TRAPPC10: variants seen among roughly 807,000 people sequenced by gnomAD.
TRAPPC10 encodes TRAPP 130 kDa subunit.
A neutral mutation model predicts 125.5 loss-of-function variants in TRAPPC10; 23 were observed. The observed-to-expected ratio is 0.18, with a 90% CI of 0.13 to 0.26. The LOEUF is 0.26. Ranked by LOEUF, TRAPPC10 falls within the 10% of genes least tolerant of loss-of-function variation. The pLI, the probability that TRAPPC10 is intolerant of heterozygous loss-of-function variation, is 1.00. For missense variants in TRAPPC10, 1,123 were observed against 1,308.4 expected, an observed-to-expected ratio of 0.86 and a Z score of 2.19; for synonymous variants, 509 against 518.0, an observed-to-expected ratio of 0.98 and a Z score of 0.24.
intron 1 of TRAPPC10, among the ~76,000 whole-genome samples, chr21:44,026,869 C>G (rs1340104739): frequency 6.6e-6 from 1 of 152,180 alleles, no homozygotes; most frequent in Non-Finnish European, 1.5e-5. Context: ...TCAGGGTCTT[C>G]TCTCGTAGGC....
chr21:44,025,730 A>G (rs1178885378), intron 1 of TRAPPC10, among the ~76,000 whole-genome samples: 1 of 152,056 alleles, frequency 6.6e-6, no homozygotes, highest in Admixed American at 6.6e-5. Flanking sequence ...AAACTTGATG[A>G]ACACTAATGT....
chr21:44,081,551 C>T (rs796987273), intron 13 of TRAPPC10, among the ~76,000 whole-genome samples: 1 of 152,298 alleles, frequency 6.6e-6, no homozygotes, highest in African/African-American at 2.4e-5. Flanking sequence ...TGAGCCACCA[C>T]GCTGGGCCCC....
Position 44,091,978 on chromosome 21 carries a change from G to C in TRAPPC10, c.2926G>C (p.Asp976His). Residue 976 changes from aspartate (D) to histidine (H), a missense_variant, in exon 19 of 23, where the codon GAT becomes CAT. Transcript: ENST00000291574. ...GTCAGAACTTGACTTTCAGCTGTCAGATAGTTATCTTGTAGATACCGGTGA... is the reference window on the plus strand; with the variant it reads ...GTCAGAACTTGACTTTCAGCTGTCACATAGTTATCTTGTAGATACCGGTGA... Reference protein sequence around the residue: ...NLSELDFQLSDSYLVDTGDST... With the variant: ...NLSELDFQLSHSYLVDTGDST... 6.2e-7 allele frequency: 1 copy of C among 1,614,162 alleles called. No homozygotes were observed. Among genetic ancestry groups the C allele is most frequent in the Non-Finnish European group, 8.5e-7 (1 of 1,180,028 alleles).
In TRAPPC10 at chr21:44,087,576, C is replaced by A; in HGVS notation, c.2540-123C>A. 1.2e-6 allele frequency: 1 copy of A among 843,302 alleles called. No individual in the cohort carries two copies. The highest frequency in any genetic ancestry group is 1.9e-6 in the Non-Finnish European group (1 of 528,810). The allele number at this position is 843,302 out of a possible 1,614,324, so 52.2% of individuals were successfully genotyped here. A position where few individuals can be genotyped will look rare whatever the true frequency, so the allele number is the denominator to read the frequency against. ...GGGCCTTGTTCTTGGGTTTGCCTGCCAGGTGCGCAGGAGCGGGAGAGGTTG... is the reference window on the plus strand; with the variant it reads ...GGGCCTTGTTCTTGGGTTTGCCTGCAAGGTGCGCAGGAGCGGGAGAGGTTG... On this transcript the variant is annotated intron_variant, in intron 16 of 22. Transcript: ENST00000291574. This position sits in a 1 kb window ranked among gnomAD's most constrained non-coding sequence, Gnocchi z 4.6.
Position 44,063,695 on chromosome 21 carries a change from C to T in TRAPPC10, c.948C>T (p.Thr316=). 1 of 1,614,210 alleles carries T rather than the reference C, an allele frequency of 6.2e-7. No individual in the cohort carries two copies. The highest frequency in any genetic ancestry group is 8.5e-7 in the Non-Finnish European group (1 of 1,180,036). ...GTTACCTGTTCTCTCGCCAGTGCACCTTGCTGCTCTTCCTGCAGAGGCCGT... is the reference window on the plus strand; with the variant it reads ...GTTACCTGTTCTCTCGCCAGTGCACTTTGCTGCTCTTCCTGCAGAGGCCGT... ...LRSYLFSRQC[T]LLLFLQRPWE... The change falls in exon 7 of 23, where the codon ACC becomes ACT. Residue 316 remains threonine (T), a synonymous_variant. Coordinates refer to ENST00000291574, the MANE Select transcript of TRAPPC10 (RefSeq NM_003274.5). This position sits in a 1 kb window ranked among gnomAD's most constrained non-coding sequence, Gnocchi z 4.4.
At chr21:44,056,164 C>T (rs950312242) in intron 5 of TRAPPC10, among the ~76,000 whole-genome samples, 6 of 152,120 alleles carry the variant, frequency 3.9e-5, no homozygotes, top group African/African-American at 1.2e-4. Flanking sequence ...AGGATAGAGT[C>T]GAGGTTTAAC....
At chr21:44,017,110 A>G (rs1296448181) in intron 1 of TRAPPC10, among the ~76,000 whole-genome samples, 1 of 152,234 alleles carries the variant, frequency 6.6e-6, no homozygotes, top group Non-Finnish European at 1.5e-5. Flanking sequence ...TTTGTTTCAT[A>G]TTGAATTCTC....
intron 17 of TRAPPC10, chr21:44,089,378 C>T (rs1196686963): frequency 2.7e-6 from 1 of 368,806 alleles, no homozygotes; most frequent in Non-Finnish European, 5.6e-6. Flanking sequence ...ACATATTCAG[C>T]CTCACATGGA....
Position 44,082,996 on chromosome 21 carries a change from G to C in TRAPPC10, c.1932G>C (p.Trp644Cys). Reference sequence around the variant, plus strand: ...ACAGCTACCGGAAGACTGCGGAGTGGCTTACCAAGCACAAGACGTCCAATG... The same window carrying C: ...ACAGCTACCGGAAGACTGCGGAGTGCCTTACCAAGCACAAGACGTCCAATG... ...EKNSYRKTAE[W>C]LTKHKTSNGI... The change falls in exon 14 of 23, where the codon TGG becomes TGC. Residue 644 changes from tryptophan to cysteine, a missense_variant. Transcript: ENST00000291574. This position sits in a 1 kb window ranked among gnomAD's most constrained non-coding sequence, Gnocchi z 4.4. 1.2e-6 allele frequency: 2 copies of C among 1,614,016 alleles called. No homozygotes were observed. Among genetic ancestry groups the C allele is most frequent in the Non-Finnish European group, 1.7e-6 (2 of 1,180,020 alleles).
At chr21:44,094,634 T>C (rs1363676358) in intron 20 of TRAPPC10, among the ~76,000 whole-genome samples, 1 of 152,144 alleles carries the variant, frequency 6.6e-6, no homozygotes, top group Non-Finnish European at 1.5e-5. Context: ...TGAAAACATA[T>C]GAAAACCTGC....
At chr21:44,085,727 C>T (rs1352249834) in intron 15 of TRAPPC10, among the ~76,000 whole-genome samples, 1 of 151,426 alleles carries the variant, frequency 6.6e-6, no homozygotes. Flanking sequence ...AAAAAGTTTT[C>T]CTTTGAAAGG....
intron 3 of TRAPPC10, chr21:44,046,506 G>GTTTTTTT: frequency 6.7e-6 from 1 of 148,616 alleles, no homozygotes; most frequent in Non-Finnish European, 1.3e-5. Context: ...TTACCTTTAA[G>GTTTTTTT]TTTTTTTTTT....
At chr21:44,017,712 G>A (rs994546556) in intron 1 of TRAPPC10, among the ~76,000 whole-genome samples, 5 of 151,898 alleles carry the variant, frequency 3.3e-5, no homozygotes, top group Non-Finnish European at 5.9e-5. Flanking sequence ...CCTGAAGGTC[G>A]GATTGGACGC....
intron 2 of TRAPPC10, among the ~76,000 whole-genome samples, chr21:44,035,766 A>C (rs543766139): frequency 1.3e-5 from 2 of 152,324 alleles, no homozygotes; most frequent in African/African-American, 4.8e-5. Flanking sequence ...GACAAGAGCA[A>C]AACTCTGGCT....
At chr21:44,022,525 G>A (rs2032635684) in intron 1 of TRAPPC10, among the ~76,000 whole-genome samples, 1 of 144,178 alleles carries the variant, frequency 6.9e-6, no homozygotes, top group Non-Finnish European at 1.5e-5. Context: ...TGTTGGTCAG[G>A]CTTATCTCGA....
chr21:44,067,024 TG>T (rs1569188797), intron 7 of TRAPPC10, among the ~76,000 whole-genome samples: 1 of 152,150 alleles, frequency 6.6e-6, no homozygotes, highest in Admixed American at 6.5e-5. Context: ...AGTGATTTTT[TG>T]GGGGGGTTTG....
chr21:44,036,058 G>A (rs779757967), intron 2 of TRAPPC10, among the ~76,000 whole-genome samples: 2 of 152,178 alleles, frequency 1.3e-5, no homozygotes, highest in Non-Finnish European at 2.9e-5. Flanking sequence ...TTTTCAGAAG[G>A]AAAGTGGAGG....
intron 13 of TRAPPC10, among the ~76,000 whole-genome samples, chr21:44,080,983 T>C (rs1172554997): frequency 6.6e-6 from 1 of 151,506 alleles, no homozygotes; most frequent in East Asian, 1.9e-4. Context: ...GTGCAACCAT[T>C]ACCACAGTCA....
chr21:44,062,874 AT>A (rs2036161854), intron 6 of TRAPPC10: 1 of 985,274 alleles, frequency 1.0e-6, no homozygotes. Context: ...AGATTCAAAG[AT>A]TTTTTTCAAT....
Sources: gnomAD v4.1 joint callset for allele counts (sites outside exome capture counted in the v4.1 genomes callset) on GRCh38, gnomAD v4.1.1 for gene constraint, Gnocchi (gnomAD v3.1) non-coding constraint, MANE v1.5 for transcripts, NCBI Gene and HGNC (gene_info 2026-07-23, HGNC 2026-07-21) for gene names.